The following BPIFB4 variants were observed in gnomAD, a reference collection of about 807,000 sequenced individuals.
BPIFB4 encodes the protein BPI fold containing family B member 4, also known as BPI fold-containing family B member 4.
BPIFB4 carries 62 observed loss-of-function variants against 69.2 expected under a neutral mutation model. That is an observed-to-expected ratio of 0.90 (90% CI 0.73 to 1.11). The LOEUF is 1.11. Ranked by LOEUF, BPIFB4 falls within the 50% of genes least tolerant of loss-of-function variation. The pLI is 0.00. For missense variants in BPIFB4, 789 were observed against 792.0 expected, an observed-to-expected ratio of 1.00 and a Z score of 0.04; for synonymous variants, 330 against 332.7, an observed-to-expected ratio of 0.99 and a Z score of 0.09.
At chr20:33,084,798 G>A (rs1435697108) in intron 5 of BPIFB4, 94 bp from the exon 6 acceptor site, 22 of 1,507,036 alleles carry the variant, frequency 1.5e-5, no homozygotes, top group East Asian at 2.5e-5. Flanking sequence ...AGGAACAGAC[G>A]GGGAGCAGAG....
intron 10 of BPIFB4, among the ~76,000 whole-genome samples, chr20:33,091,034 C>T (rs1300173459): frequency 1.3e-5 from 2 of 152,208 alleles, no homozygotes; most frequent in Non-Finnish European, 2.9e-5. Flanking sequence ...TTAACTCAGC[C>T]TATCTTCACA....
At chr20:33,085,027 A>G (rs1226056833) in intron 6 of BPIFB4, 31 bp downstream of exon 6, 1 of 1,599,326 alleles carries the variant, frequency 6.3e-7, no homozygotes, top group Non-Finnish European at 8.5e-7. Flanking sequence ...AGGGGTCCCC[A>G]CCACCCTATG....
Position 33,092,580 on chromosome 20 carries a change from G to A in BPIFB4, c.1266G>A (p.Met422Ile), listed in dbSNP as rs754783912. 2 of 1,613,886 alleles carry A rather than the reference G, an allele frequency of 1.2e-6. No homozygotes were observed. The highest frequency in any genetic ancestry group is 1.3e-5 in the African/African-American group (1 of 74,948). Residue 422 changes from methionine to isoleucine, a missense_variant, in exon 11 of 18, where the codon ATG (methionine) becomes ATA (isoleucine). Transcript: ENST00000375483. ...ACAACACCAAGTCCCAGCTGGCCAT[G>A]TCTGCCAACTTCCTGGGCTCAGTGC... ...MGDNTKSQLA[M>I]SANFLGSVLT...
chr20:33,089,316 C>T (rs1463830277), intron 8 of BPIFB4, among the ~76,000 whole-genome samples, 182 bp from the exon 9 acceptor site: 3 of 152,198 alleles, frequency 2.0e-5, no homozygotes, highest in South Asian at 2.1e-4. Context: ...TTCTGAACCT[C>T]GATTTTCCCA....
chr20:33,104,592 G>T (rs138897205), intron 15 of BPIFB4: 876 of 515,106 alleles, frequency 1.7e-3, no homozygotes, highest in Non-Finnish European at 2.2e-3. Flanking sequence ...CCCATGCTGG[G>T]CCTCAGTCTG....
rs762665789 is a variant in BPIFB4, at chr20:33,084,971, A to G, written c.757A>G (p.Thr253Ala). Residue 253 changes from threonine to alanine, a missense_variant, in exon 6 of 18, where the codon ACC becomes GCC. This residue lies in a region of BPIFB4 where 611 missense variants were observed against 575.4 expected (regional missense o/e 1.06). Transcript: ENST00000375483. The stretch of plus-strand genomic sequence containing the variant: ...CGTGGGTGTCTACCTGAGCTTGTAC[A>G]CCCGTGTGGCCATCAACGGGAAGAG... ...PGVGVYLSLY[T>A]RVAINGKSLI... 13 of 1,611,842 alleles carry G rather than the reference A, an allele frequency of 8.1e-6. No homozygotes were observed. Among genetic ancestry groups the G allele is most frequent in the Non-Finnish European group, 1.1e-5 (13 of 1,179,918 alleles).
chr20:33,107,196 T>A (rs1982084602), intron 16 of BPIFB4, among the ~76,000 whole-genome samples: 1 of 105,842 alleles, frequency 9.4e-6, no homozygotes. Context: ...AGAGCAAGAC[T>A]CAGTTAAAAA....
Position 33,092,570 on chromosome 20 carries a change from A to T in BPIFB4, c.1256A>T (p.Gln419Leu). Residue 419 changes from glutamine (Q) to leucine (L), a missense_variant, in exon 11 of 18, where the codon CAG becomes CTG. Physicochemically the swap from Gln to Leu is moderately radical, Grantham distance 113. Transcript: ENST00000375483. ...LPPMGDNTKS[Q>L]LAMSANFLGS... ...CCCATGGGTGACAACACCAAGTCCC[A>T]GCTGGCCATGTCTGCCAACTTCCTG... 1 of 1,614,100 alleles carries T rather than the reference A, an allele frequency of 6.2e-7. No homozygotes were observed. Among genetic ancestry groups the T allele is most frequent in the Middle Eastern group, 1.6e-4 (1 of 6,062 alleles).
rs1217846724 is a variant in BPIFB4 at position 33,089,512 on chromosome 20, G to A, written c.1005G>A (p.Val335=). ...DVLPDLLCPI[V]DVVLGLVNDQ... is the part of the protein sequence containing the mutation. ...CTCCCCTGCAGCTCTGCCCCATCGTGGATGTGGTGCTGGGTCTTGTCAATG... is the reference window on the plus strand; with the variant it reads ...CTCCCCTGCAGCTCTGCCCCATCGTAGATGTGGTGCTGGGTCTTGTCAATG... Residue 335 remains valine (V), a synonymous_variant, in exon 9 of 18, where the codon GTG becomes GTA. Transcript: ENST00000375483. 5.6e-6 allele frequency: 9 copies of A among 1,614,132 alleles called. No homozygotes were observed. The Admixed American group carries it at 8.3e-5, about 15-fold the overall frequency.
At chr20:33,110,537 T>A (rs1445252201) in intron 17 of BPIFB4, among the ~76,000 whole-genome samples, 1 of 152,216 alleles carries the variant, frequency 6.6e-6, no homozygotes, top group South Asian at 2.1e-4. Flanking sequence ...ATCCTGTTTC[T>A]CGTTAGACTT....
rs201988089 is a variant in BPIFB4 at position 33,103,058 on chromosome 20, G to A, written c.1680+44G>A. The A allele has an allele frequency of 1.9e-5, 30 of 1,592,696 alleles. No individual in the cohort carries two copies. In the East Asian group the frequency reaches 6.7e-4, roughly 36 times the overall value. On this transcript the variant is annotated intron_variant, in intron 15 of 17. Transcript: ENST00000375483. The stretch of plus-strand genomic sequence containing the variant: ...TCCCAGGGCAAGATCTTCTGGGAAG[G>A]AGCCCAGGACGTGTCTTCCGGGAAT...
chr20:33,086,576 T>C (rs1214599615), intron 7 of BPIFB4, among the ~76,000 whole-genome samples: 1 of 152,170 alleles, frequency 6.6e-6, no homozygotes, highest in Non-Finnish European at 1.5e-5. Context: ...GTGAAATGGG[T>C]AATTCTTTTT....
intron 13 of BPIFB4, among the ~76,000 whole-genome samples, chr20:33,099,227 G>A (rs914126898): frequency 6.6e-5 from 10 of 152,150 alleles, no homozygotes. Context: ...CAAAGCTTGA[G>A]ACCAAATAAG....
intron 17 of BPIFB4, among the ~76,000 whole-genome samples, chr20:33,110,600 T>C (rs1404379358): frequency 6.6e-6 from 1 of 152,226 alleles, no homozygotes; most frequent in Non-Finnish European, 1.5e-5. Flanking sequence ...GCAACTGTTA[T>C]GACTGTGGTG....
At chr20:33,099,215 C>T (rs1306884033) in intron 13 of BPIFB4, among the ~76,000 whole-genome samples, 2 of 152,192 alleles carry the variant, frequency 1.3e-5, no homozygotes, top group African/African-American at 4.8e-5. Context: ...CCCTCCTACT[C>T]CCAAAGCTTG....
At chr20:33,089,252 G>A (rs1329253263) in intron 8 of BPIFB4, among the ~76,000 whole-genome samples, 2 of 152,180 alleles carry the variant, frequency 1.3e-5, no homozygotes, top group South Asian at 2.1e-4. Context: ...GCACAGTTCC[G>A]GGTTTGAATC....
chr20:33,106,487 C>T (rs745610917), intron 16 of BPIFB4, among the ~76,000 whole-genome samples: 5 of 151,872 alleles, frequency 3.3e-5, no homozygotes, highest in Non-Finnish European at 5.9e-5. Flanking sequence ...ACTCCCCTGC[C>T]TCAGCCTCCC....
chr20:33,105,358 A>G (rs752594429), intron 16 of BPIFB4, among the ~76,000 whole-genome samples: 1 of 152,226 alleles, frequency 6.6e-6, no homozygotes, highest in Non-Finnish European at 1.5e-5. Context: ...ATTGGCGCAG[A>G]TACAGCTAAA....
At position 33,094,587 on chromosome 20, in the gene BPIFB4, A is replaced by G. The variant is rs59401378; in HGVS notation, c.1345-513A>G. Among the ~76,000 whole-genome samples the G allele has an allele frequency of 9.9e-3, 1,497 of 151,196 alleles. 25 individuals carry two copies. The highest frequency in any genetic ancestry group is 0.034 in the African/African-American group (1,415 of 41,146). On this transcript the variant is annotated intron_variant, in intron 11 of 17. Transcript: ENST00000375483. ...AGTGTTGTGATGTTGGCTCACTGCA[A>G]CCTCCATCTCCTGGGTTCAAGCAAT...
Sources: allele counts gnomAD v4.1 joint callset (sites outside exome capture counted in the v4.1 genomes callset), GRCh38; gene constraint gnomAD v4.1.1; regional missense constraint gnomAD v4.1.1; transcripts MANE v1.5; gene names NCBI Gene and HGNC (gene_info 2026-07-23, HGNC 2026-07-21).